The following ADNP variants were observed in gnomAD, a reference collection of about 807,000 sequenced individuals.
ADNP encodes the protein activity-dependent neuroprotector homeobox protein.
A neutral mutation model predicts 84.9 loss-of-function variants in ADNP; 4 were observed. That is an observed-to-expected ratio of 0.05 (90% CI 0.02 to 0.11). The LOEUF is 0.11. Ranked by LOEUF, ADNP falls within the 10% of genes least tolerant of loss-of-function variation. The pLI is 1.00. For missense variants in ADNP, 1,132 were observed against 1,326.0 expected (o/e 0.85, Z 2.27); for synonymous variants, 554 against 468.1 (o/e 1.18, Z -2.37).
At chr20:50,895,806 T>C (rs578178925) in intron 5 of ADNP, among the ~76,000 whole-genome samples, 110 of 152,342 alleles carry the variant, frequency 7.2e-4, no homozygotes, top group African/African-American at 2.5e-3. Flanking sequence ...AGTGCTGGGA[T>C]TGCAAGCCGC....
intron 2 of ADNP, 73 bp from the exon 3 acceptor site, chr20:50,904,922 A>C (rs1982325507): frequency 6.6e-6 from 1 of 152,192 alleles, no homozygotes; most frequent in African/African-American, 2.4e-5. Flanking sequence ...CAAACTAAAT[A>C]CAGTAATGAT....
intron 1 of ADNP, among the ~76,000 whole-genome samples, chr20:50,929,751 C>G (rs1487305665): frequency 6.6e-6 from 1 of 151,440 alleles, no homozygotes; most frequent in Non-Finnish European, 1.5e-5. Flanking sequence ...GTTCAAGATA[C>G]AGGCACAAGA....
At chr20:50,918,975 G>A (rs1386245519) in intron 2 of ADNP, among the ~76,000 whole-genome samples, 3 of 152,066 alleles carry the variant, frequency 2.0e-5, no homozygotes, top group Non-Finnish European at 4.4e-5. Context: ...ATCACACTGT[G>A]ACTTAAAAGT....
chr20:50,918,098 G>A (rs747429084), intron 2 of ADNP, among the ~76,000 whole-genome samples: 1 of 152,042 alleles, frequency 6.6e-6, no homozygotes, highest in Non-Finnish European at 1.5e-5. Context: ...TTTCAGTTCT[G>A]CAAGATTAAA....
At chr20:50,915,844 AATG>A (rs1209407630) in intron 2 of ADNP, among the ~76,000 whole-genome samples, 1 of 152,228 alleles carries the variant, frequency 6.6e-6, no homozygotes, top group Non-Finnish European at 1.5e-5. Context: ...CTACTTTGCA[AATG>A]ATGACACACG....
intron 2 of ADNP, among the ~76,000 whole-genome samples, chr20:50,915,111 TTC>T (rs1215464358): frequency 6.6e-6 from 1 of 152,340 alleles, no homozygotes; most frequent in East Asian, 1.9e-4. Context: ...ACAAAATGTA[TTC>T]TGATTTGTAT....
At chr20:50,898,303 A>G (rs931572030) in intron 5 of ADNP, among the ~76,000 whole-genome samples, 1 of 152,148 alleles carries the variant, frequency 6.6e-6, no homozygotes, top group Admixed American at 6.5e-5. Flanking sequence ...ACCCAGAACT[A>G]GCAGTCAATT....
rs376647534 is a variant in ADNP at position 50,891,206 on chromosome 20, T to C, written c.*199A>G. The C allele has an allele frequency of 3.0e-6, 4 of 1,324,550 alleles. No homozygotes were observed. In the African/African-American group the frequency reaches 4.5e-5, roughly 15 times the overall value. 82.0% of individuals were successfully genotyped at this position (1,324,550 alleles called of 1,614,324 possible). A position where few individuals can be genotyped will look rare whatever the true frequency, so the allele number is the denominator to read the frequency against. On this transcript the variant is annotated 3_prime_UTR_variant, in exon 6 of 6. Coordinates refer to ENST00000621696, the MANE Select transcript of ADNP (RefSeq NM_001282531.3). Reference sequence around the variant, plus strand: ...TGGTTTTTCACATTTAGTTACCGTGTCTGTCAGAGAAGGTTCTGAAGCAAG... The same window carrying C: ...TGGTTTTTCACATTTAGTTACCGTGCCTGTCAGAGAAGGTTCTGAAGCAAG...
Position 50,931,430 on chromosome 20 carries a change from C to G in ADNP, c.-869G>C, listed in dbSNP as rs1307095210. 1 of 152,440 alleles carries G rather than the reference C, an allele frequency of 6.6e-6. No individual in the cohort carries two copies. Among genetic ancestry groups the G allele is most frequent in the Non-Finnish European group, 1.5e-5 (1 of 68,408 alleles). 9.4% of individuals were successfully genotyped at this position (152,440 alleles called of 1,614,324 possible). On this transcript the variant is annotated 5_prime_UTR_variant, in exon 1 of 6. Coordinates refer to ENST00000621696, the MANE Select transcript of ADNP (RefSeq NM_001282531.3). ...AACCTGCCCTAGCCAAAATGGCGGC[C>G]GAGAAAGAGCGGAAGTGACGTAAGT...
In ADNP at chr20:50,893,930, C is replaced by A. The variant is rs758985644; in HGVS notation, c.784G>T (p.Val262Phe). The change falls in exon 6 of 6, where the codon GTT (valine) becomes TTT (phenylalanine). Residue 262 changes from valine (V) to phenylalanine (F), a missense_variant. Around this residue, in one of 10 missense-constraint regions of ADNP, gnomAD observed 239 missense variants for 213.2 expected, o/e 1.12. Transcript: ENST00000621696. The surrounding 1 kb of genome is among the most constrained non-coding windows in gnomAD (Gnocchi z 4.4). ...TAMIGHTNVV[V>F]PRSKPLMLIA... ...AGCATCAAGGGTTTGGATCGGGGAACCACTACATTTGTGTGCCCAATCATG... is the reference window on the plus strand; with the variant it reads ...AGCATCAAGGGTTTGGATCGGGGAAACACTACATTTGTGTGCCCAATCATG... 1 of 1,613,996 alleles carries A rather than the reference C, an allele frequency of 6.2e-7. No individual in the cohort carries two copies. Among genetic ancestry groups the A allele is most frequent in the South Asian group, 1.1e-5 (1 of 91,082 alleles).
intron 5 of ADNP, among the ~76,000 whole-genome samples, chr20:50,900,745 T>G (rs1981891242): frequency 6.6e-6 from 1 of 152,228 alleles, no homozygotes; most frequent in Admixed American, 6.5e-5. Flanking sequence ...TTCCTCATTA[T>G]GGATAAATTT....
chr20:50,891,932 C>T lies in ADNP; in HGVS notation c.2782G>A (p.Asp928Asn). ...TATTTTGAACCATCCTCTTTTTGGT[C>T]TAGCTTCTCCTCAGATTCTGAAGCA... ...EDASESEEKL[D>N]QKEDGSKYET... Residue 928 changes from aspartate (D) to asparagine (N), a missense_variant, in exon 6 of 6, where the codon GAC becomes AAC. Physicochemically the swap from Asp to Asn is conservative, Grantham distance 23. Transcript: ENST00000621696. The T allele has an allele frequency of 6.2e-7, 1 of 1,614,176 alleles. No homozygotes were observed. Among genetic ancestry groups the T allele is most frequent in the Non-Finnish European group, 8.5e-7 (1 of 1,180,018 alleles).
intron 4 of ADNP, among the ~76,000 whole-genome samples, chr20:50,902,809 T>C (rs2122831658): frequency 6.6e-6 from 1 of 152,290 alleles, no homozygotes; most frequent in African/African-American, 2.4e-5. Context: ...TACTGTGATG[T>C]TGGTATTAAT....
At chr20:50,917,432 ATC>A (rs1289586026) in intron 2 of ADNP, among the ~76,000 whole-genome samples, 1 of 152,242 alleles carries the variant, frequency 6.6e-6, no homozygotes, top group Non-Finnish European at 1.5e-5. Flanking sequence ...CATTTGAAGA[ATC>A]TCTTTCTATG....
At chr20:50,919,596 A>C (rs559665992) in intron 2 of ADNP, among the ~76,000 whole-genome samples, 1 of 152,290 alleles carries the variant, frequency 6.6e-6, no homozygotes, top group African/African-American at 2.4e-5. Flanking sequence ...ATTTGCAGTA[A>C]AAGAGGCGAT....
chr20:50,901,629 G>A (rs897055536), intron 5 of ADNP, among the ~76,000 whole-genome samples: 1 of 152,044 alleles, frequency 6.6e-6, no homozygotes, highest in Non-Finnish European at 1.5e-5. Context: ...ATAGAAGTTG[G>A]GTGCCATCAA....
At chr20:50,920,277 A>AGAAAG (rs1568742257) in intron 2 of ADNP, among the ~76,000 whole-genome samples, 2 of 143,722 alleles carry the variant, frequency 1.4e-5, no homozygotes, top group African/African-American at 5.3e-5. Context: ...AAAAAAAAAA[A>AGAAAG]AAAAAAAGAA....
At chr20:50,898,806 T>C (rs761969046) in intron 5 of ADNP, among the ~76,000 whole-genome samples, 2 of 152,208 alleles carry the variant, frequency 1.3e-5, no homozygotes, top group Non-Finnish European at 2.9e-5. Context: ...CCAGTTACCA[T>C]GAAAAGCTGT....
chr20:50,920,196 GA>G (rs1194064849), intron 2 of ADNP, among the ~76,000 whole-genome samples: 1 of 141,436 alleles, frequency 7.1e-6, no homozygotes. Flanking sequence ...AAAATTGCTT[GA>G]ATCCGGGAGG....
Sources: allele counts gnomAD v4.1 joint callset (sites outside exome capture counted in the v4.1 genomes callset), GRCh38; gene constraint gnomAD v4.1.1; regional missense constraint gnomAD v4.1.1; non-coding constraint Gnocchi (gnomAD v3.1); transcripts MANE v1.5; gene names NCBI Gene and HGNC (gene_info 2026-07-23, HGNC 2026-07-21).